Variants in DOP1B observed in about 807,000 individuals in gnomAD.
The protein encoded by DOP1B is DOP1 leucine zipper like protein B.
A neutral mutation model predicts 233.5 loss-of-function variants in DOP1B; 174 were observed. The ratio of observed to expected loss-of-function variants is 0.75; its 90% confidence interval spans 0.66 to 0.85. DOP1B has a LOEUF of 0.85. DOP1B is among the 40% of genes least tolerant of loss of function. The probability of loss-of-function intolerance (pLI) is 0.00; values close to 1 mark genes in which losing one functional copy is unlikely to be tolerated. For missense variants in DOP1B, 2,652 were observed against 2,846.6 expected (o/e 0.93, Z 1.56); for synonymous variants, 1,190 against 1,185.6 (o/e 1.00, Z -0.08).
At position 36,236,318 on chromosome 21, in the gene DOP1B, G is replaced by A. The variant is rs1601435696; in HGVS notation, c.2623-944G>A. ...TGGGAAGATGGAGGACACGATTTGG[G>A]GGTATAATAGTGTTTTGAAAGTGAG... On this transcript the variant is annotated intron_variant, in intron 15 of 36. Transcript: ENST00000691173. Among the ~76,000 whole-genome samples, 4 of 152,318 alleles carry A rather than the reference G, an allele frequency of 2.6e-5. No individual in the cohort carries two copies. In the South Asian group the frequency reaches 8.3e-4, roughly 32 times the overall value.
chr21:36,199,622 T>C (rs1236160391), intron 3 of DOP1B, among the ~76,000 whole-genome samples: 1 of 152,114 alleles, frequency 6.6e-6, no homozygotes, highest in Non-Finnish European at 1.5e-5. Flanking sequence ...GTGTGTGATG[T>C]TCCCCTTCCT....
chr21:36,217,146 C>T (rs982901222), intron 9 of DOP1B, among the ~76,000 whole-genome samples: 2 of 151,572 alleles, frequency 1.3e-5, no homozygotes, highest in Admixed American at 6.6e-5. Context: ...GGGATGGAGG[C>T]CCTTCGCTTA....
In DOP1B at chr21:36,260,036, G is replaced by A. The variant is rs193045623; in HGVS notation, c.5260-641G>A. 1.9e-3 allele frequency among the ~76,000 whole-genome samples: 295 copies of A among 151,910 alleles called. 1 individual carries two copies. The highest frequency in any genetic ancestry group is 6.8e-3 in the Middle Eastern group (2 of 294). On this transcript the variant is annotated intron_variant, in intron 23 of 36. Transcript: ENST00000691173. ...GAACTAGAATTTTTTGGCCGGGTGC[G>A]GTGGTTCTACTTGGGAGGCTGAGGC...
At chr21:36,158,802 C>CAAA (rs386394681) in intron 1 of DOP1B, among the ~76,000 whole-genome samples, 1,863 of 93,594 alleles carry the variant, frequency 0.02, 30 homozygotes, top group African/African-American at 0.063. Context: ...ACTCTTGTCT[C>CAAA]AAAAAAAAAA....
At chr21:36,170,327 G>A (rs534436880) in intron 2 of DOP1B, 4 of 287,104 alleles carry the variant, frequency 1.4e-5, no homozygotes, top group East Asian at 1.1e-4. Context: ...GCCTGGCGCG[G>A]TGGCTCATGC....
At chr21:36,259,212 G>A (rs1277168875) in intron 23 of DOP1B, among the ~76,000 whole-genome samples, 1 of 151,500 alleles carries the variant, frequency 6.6e-6, no homozygotes, top group African/African-American at 2.4e-5. Context: ...TGATCCACCC[G>A]CCTCGGCTTC....
At chr21:36,237,458 C>G in intron 16 of DOP1B, 44 bp downstream of exon 16, 2 of 1,608,684 alleles carry the variant, frequency 1.2e-6, no homozygotes, top group Non-Finnish European at 8.5e-7. Flanking sequence ...GCACCCCGGC[C>G]CCTGCTGTAC....
At chr21:36,227,611 A>T in intron 12 of DOP1B, 75 bp from the exon 13 acceptor site, 2 of 1,268,668 alleles carry the variant, frequency 1.6e-6, no homozygotes, top group Non-Finnish European at 2.1e-6. Context: ...ATTGAATTAG[A>T]TGCCATTTTG....
At position 36,200,470 on chromosome 21, in the gene DOP1B, G is replaced by A. The variant is rs762797534; in HGVS notation, c.460G>A (p.Gly154Ser). ...GGCCTTCATCGTGGGCCTGCTGCCC[G>A]GCCTTGAAGAGGGCTCCGAGATCTC... Reference protein sequence around the residue: ...LQAFIVGLLPGLEEGSEISDR... With the variant: ...LQAFIVGLLPSLEEGSEISDR... Residue 154 changes from glycine (G) to serine (S), a missense_variant, in exon 4 of 37, where the codon GGC becomes AGC. Transcript: ENST00000691173. The A allele has an allele frequency of 5.0e-6, 8 of 1,611,494 alleles. No individual in the cohort carries two copies. The highest frequency in any genetic ancestry group is 4.4e-5 in the South Asian group (4 of 90,906).
chr21:36,226,379 C>T (rs572495318), intron 12 of DOP1B, among the ~76,000 whole-genome samples: 1 of 151,326 alleles, frequency 6.6e-6, no homozygotes, highest in South Asian at 2.1e-4. Flanking sequence ...CTCACTGCAA[C>T]CTCCGCCTCT....
chr21:36,211,556 A>C lies in DOP1B; in HGVS notation c.685A>C (p.Lys229Gln). ...MLGTNHQLTV[K>Q]SLRASLLDSN... The stretch of plus-strand genomic sequence containing the variant: ...AGTGCCGTTTGATCGTTTACAGGTG[A>C]AGTCTTTGCGTGCCTCCCTGTTGGA... The change falls in exon 6 of 37, where the codon AAG (lysine) becomes CAG (glutamine). Residue 229 changes from lysine (K) to glutamine (Q), a missense_variant. Physicochemically the swap from Lys to Gln is moderately conservative, Grantham distance 53. Coordinates refer to ENST00000691173, the MANE Select transcript of DOP1B (RefSeq NM_001320714.2). The C allele has an allele frequency of 2.5e-6, 4 of 1,614,070 alleles. No individual in the cohort carries two copies. The highest frequency in any genetic ancestry group is 3.4e-6 in the Non-Finnish European group (4 of 1,179,918).
intron 27 of DOP1B, among the ~76,000 whole-genome samples, chr21:36,276,067 CG>C (rs2067346506): frequency 7.4e-6 from 1 of 135,846 alleles, no homozygotes. Context: ...GGAGCGGAGT[CG>C]GGGATGGTTA....
rs140230955 is a variant in DOP1B, at chr21:36,200,370, G to A, written c.360G>A (p.Ser120=). The A allele has an allele frequency of 1.7e-4, 279 of 1,610,208 alleles. 1 individual carries two copies. In the Middle Eastern group the frequency reaches 3.1e-3, roughly 18 times the overall value. ...CTCTCCTGGCACACGCGGCGGTGTC[G>A]GTGAGGCCGGTGCTGCTCACCCTGT... is the stretch of plus-strand genomic sequence containing the variant. ...LFPLLAHAAV[S]VRPVLLTLYE... The change falls in exon 4 of 37, where the codon TCG becomes TCA. Residue 120 remains serine (S), a synonymous_variant. Coordinates refer to ENST00000691173, the MANE Select transcript of DOP1B (RefSeq NM_001320714.2).
At chr21:36,173,808 G>A (rs12482399) in intron 2 of DOP1B, among the ~76,000 whole-genome samples, 10,502 of 151,684 alleles carry the variant, frequency 0.069, 1,198 homozygotes, top group African/African-American at 0.24. Flanking sequence ...GATTTTGGAA[G>A]TGAAGGCTAA....
chr21:36,221,864 C>T (rs185995827), intron 10 of DOP1B, among the ~76,000 whole-genome samples: 19 of 152,236 alleles, frequency 1.2e-4, no homozygotes, highest in African/African-American at 4.6e-4. Flanking sequence ...GCATCAGCCA[C>T]TGCGCACAGC....
At chr21:36,191,675 A>G (rs921440292) in intron 2 of DOP1B, among the ~76,000 whole-genome samples, 2 of 152,046 alleles carry the variant, frequency 1.3e-5, no homozygotes, top group East Asian at 3.9e-4. Context: ...AATCCTGGCT[A>G]CTTGGGAGGC....
chr21:36,230,988 T>G lies in DOP1B; in HGVS notation c.2204T>G (p.Val735Gly). The G allele has an allele frequency of 1.2e-6, 2 of 1,614,154 alleles. No individual in the cohort carries two copies. Among genetic ancestry groups the G allele is most frequent in the Non-Finnish European group, 1.7e-6 (2 of 1,180,026 alleles). The change falls in exon 14 of 37, where the codon GTG (valine) becomes GGG (glycine). Residue 735 changes from valine to glycine, a missense_variant. Physicochemically the swap from Val to Gly is moderately radical, Grantham distance 109 (BLOSUM62 -3). Transcript: ENST00000691173. ...GGGGGAGAATGGGATGTTGAGAAGG[T>G]GGTCATTGACCTGGGGGGTTCCAGG... ...KNGGEWDVEK[V>G]VIDLGGSREE...
intron 2 of DOP1B, among the ~76,000 whole-genome samples, chr21:36,172,682 G>T (rs568707697): frequency 6.6e-6 from 1 of 152,252 alleles, no homozygotes; most frequent in Admixed American, 6.5e-5. Context: ...GATCCCTGGA[G>T]CCTCAGCCTG....
intron 27 of DOP1B, among the ~76,000 whole-genome samples, chr21:36,274,235 A>G (rs2067324727): frequency 6.6e-6 from 1 of 152,182 alleles, no homozygotes; most frequent in African/African-American, 2.4e-5. Flanking sequence ...AGAAACTGGA[A>G]GTCCAGGTAA....
Sources: allele counts gnomAD v4.1 joint callset (sites outside exome capture counted in the v4.1 genomes callset), GRCh38; gene constraint gnomAD v4.1.1; transcripts MANE v1.5; gene names NCBI Gene and HGNC (gene_info 2026-07-23, HGNC 2026-07-21).